Variants in ZNF276 observed in about 807,000 individuals in gnomAD.
ZNF276 encodes the protein zinc finger protein 276.
A neutral mutation model predicts 63.9 loss-of-function variants in ZNF276; 59 were observed. The observed-to-expected ratio is 0.92, with a 90% CI of 0.75 to 1.15. The LOEUF is 1.15. Ranked by LOEUF, ZNF276 falls within the 50% of genes most tolerant of loss-of-function variation. The probability of loss-of-function intolerance (pLI) is 0.00; values close to 1 mark genes in which losing one functional copy is unlikely to be tolerated. For synonymous variants in ZNF276, 496 were observed against 348.4 expected, an observed-to-expected ratio of 1.42 and a Z score of -4.72; for missense variants, 1,084 against 843.8, an observed-to-expected ratio of 1.28 and a Z score of -3.53.
chr16:89,722,532 A>C lies in ZNF276; in HGVS notation c.207A>C (p.Gly69=). The C allele has an allele frequency of 1.9e-6, 3 of 1,610,574 alleles. No individual in the cohort carries two copies. Among genetic ancestry groups the C allele is most frequent in the Non-Finnish European group, 2.5e-6 (3 of 1,178,890 alleles). ...AACACTTCCTGCCGCTCTGTGCAGG[A>C]GCAGGCCGGGCTCTCGCCATGGGTC... is the stretch of plus-strand genomic sequence containing the variant. ...DAGEDGADEA[G]AGRALAMGHC... is the part of the protein sequence containing the mutation. The change falls in exon 2 of 11, where the codon GGA becomes GGC. Residue 69 remains glycine (G), a splice_region_variant and synonymous_variant. Transcript: ENST00000443381.
rs1598043529 is a variant in ZNF276, at chr16:89,737,871, C to T, written c.1540C>T (p.His514Tyr). 6.2e-7 allele frequency: 1 copy of T among 1,614,186 alleles called. No individual in the cohort carries two copies. The highest frequency in any genetic ancestry group is 8.5e-7 in the Non-Finnish European group (1 of 1,180,042). The change falls in exon 10 of 11, where the codon CAC becomes TAC. Residue 514 changes from histidine (H) to tyrosine (Y), a missense_variant. By Grantham distance (83) the His-to-Tyr change is moderately conservative. Coordinates refer to ENST00000443381, the MANE Select transcript of ZNF276 (RefSeq NM_001113525.2). ...TFKQRKHLLV[H>Y]QMRHSGAKPL... ...CAAGCAGCGGAAGCACCTTCTCGTC[C>T]ACCAAATGCGACATTCGGGAGCCAA...
rs369739322 is a variant in ZNF276 at position 89,727,284 on chromosome 16, T to G, written c.1012T>G (p.Leu338Val). The change falls in exon 5 of 11, where the codon TTG (leucine) becomes GTG (valine). Residue 338 changes from leucine to valine, a missense_variant. Coordinates refer to ENST00000443381, the MANE Select transcript of ZNF276 (RefSeq NM_001113525.2). ...SLPLCRAPGQLGEKQLPSSTS... is the reference protein window; with the variant it reads ...SLPLCRAPGQVGEKQLPSSTS... ...CCTTGTTCTTTGTTTCTCAGGGCAG[T>G]TGGGTGAGAAGCAGCTTCCATCTTC... 1.2e-6 allele frequency: 2 copies of G among 1,613,918 alleles called. No individual in the cohort carries two copies. Among genetic ancestry groups the G allele is most frequent in the African/African-American group, 2.7e-5 (2 of 74,874 alleles).
At chr16:89,723,750 C>T (rs779675950) in intron 4 of ZNF276, 41 bp downstream of exon 4, 3 of 1,572,182 alleles carry the variant, frequency 1.9e-6, no homozygotes, top group African/African-American at 1.3e-5. Flanking sequence ...AGGATGTGTG[C>T]TCCTCAGTGG....
chr16:89,722,329 A>G (rs1363616251), intron 1 of ZNF276, among the ~76,000 whole-genome samples: 1 of 152,134 alleles, frequency 6.6e-6, no homozygotes, highest in African/African-American at 2.4e-5. Flanking sequence ...GGCCTTTGAA[A>G]TTTGAAAGAT....
chr16:89,727,373 G>A lies in ZNF276; in HGVS notation c.1085+16G>A. ...TTTCTGAGGGGTGAGAGAAGAGTGG[G>A]TTTAAACAGCCTAAAATTTCTCCTT... On this transcript the variant is annotated intron_variant, in intron 5 of 10. Coordinates refer to ENST00000443381, the MANE Select transcript of ZNF276 (RefSeq NM_001113525.2). The A allele has an allele frequency of 6.2e-7, 1 of 1,611,080 alleles. No homozygotes were observed. Among genetic ancestry groups the A allele is most frequent in the East Asian group, 2.2e-5 (1 of 44,866 alleles).
chr16:89,720,760 C>T, upstream of ZNF276: 1 of 1,447,176 alleles, frequency 6.9e-7, no homozygotes, highest in East Asian at 3.1e-5. Flanking sequence ...CGCCCCGCCT[C>T]ACCCGGGGCC....
At position 89,722,725 on chromosome 16, in the gene ZNF276, T is replaced by C. The variant is rs2061336616; in HGVS notation, c.400T>C (p.Phe134Leu). The C allele has an allele frequency of 6.2e-7, 1 of 1,612,130 alleles. No individual in the cohort carries two copies. Among genetic ancestry groups the C allele is most frequent in the Admixed American group, 1.7e-5 (1 of 60,012 alleles). ...AVRQDPTLSP[F>L]VCKSCHAQFY... is the part of the protein sequence containing the mutation. ...CCGCCAGGACCCCACCTTGTCTCCG[T>C]TTGTCTGCAAGAGCTGCCACGCCCA... is the stretch of plus-strand genomic sequence containing the variant. Residue 134 changes from phenylalanine (F) to leucine (L), a missense_variant, in exon 2 of 11, where the codon TTT becomes CTT. Phe to Leu is a conservative substitution (Grantham distance 22). Coordinates refer to ENST00000443381, the MANE Select transcript of ZNF276 (RefSeq NM_001113525.2).
At position 89,740,703 on chromosome 16, in the gene ZNF276, CCTGAGCT is replaced by C; in HGVS notation, c.*2458_*2464del. ...CACACTTCCGCAAACACAAGGAGCT[CCTGAGCT>C]AGTCTGGAAACCCTGACTTGGAAGC... On this transcript the variant is annotated 3_prime_UTR_variant, in exon 11 of 11. Coordinates refer to ENST00000443381, the MANE Select transcript of ZNF276 (RefSeq NM_001113525.2). 1 of 933,178 alleles carries C rather than the reference CCTGAGCT, an allele frequency of 1.1e-6. No individual in the cohort carries two copies. Among genetic ancestry groups the C allele is most frequent in the Non-Finnish European group, 1.7e-6 (1 of 577,372 alleles). The allele number at this position is 933,178 out of a possible 1,614,324, so 57.8% of individuals were successfully genotyped here.
rs1567595013 is a variant in ZNF276, at chr16:89,740,026, G to T, written c.*1780G>T. On this transcript the variant is annotated 3_prime_UTR_variant, in exon 11 of 11. Coordinates refer to ENST00000443381, the MANE Select transcript of ZNF276 (RefSeq NM_001113525.2). ...TGTCAACTGAAAGAGTGCCAGCCAG[G>T]ATATCTTCCTCTTCTCTAAACACTC... The T allele has an allele frequency of 6.2e-7, 1 of 1,614,150 alleles. No homozygotes were observed. The highest frequency in any genetic ancestry group is 1.1e-5 in the South Asian group (1 of 91,088).
intron 5 of ZNF276, 152 bp from the exon 6 acceptor site, chr16:89,729,083 T>C (rs1388331823): frequency 7.6e-6 from 5 of 661,206 alleles, no homozygotes; most frequent in Admixed American, 2.8e-5. Context: ...GAAACGGGAT[T>C]GGAAATTTGG....
intron 9 of ZNF276, among the ~76,000 whole-genome samples, chr16:89,734,985 C>A (rs1050253397): frequency 1.3e-5 from 2 of 152,110 alleles, no homozygotes; most frequent in African/African-American, 4.8e-5. Context: ...ATGGTAAAAC[C>A]TGGTCTCTAC....
intron 9 of ZNF276, chr16:89,737,544 T>C (rs1378385879): frequency 2.0e-6 from 1 of 489,424 alleles, no homozygotes; most frequent in African/African-American, 2.0e-5. Context: ...GACAAGAATC[T>C]GTGGTTAAGG....
rs1405101645 is a variant in ZNF276 at position 89,739,746 on chromosome 16, C to T, written c.*1500C>T. The T allele has an allele frequency of 2.7e-6, 4 of 1,489,564 alleles. No homozygotes were observed. Among genetic ancestry groups the T allele is most frequent in the Non-Finnish European group, 2.7e-6 (3 of 1,122,258 alleles). The allele number at this position is 1,489,564 out of a possible 1,614,324, so 92.3% of individuals were successfully genotyped here. ...AGAGGATGGGGGGGTCGACCTCTTG[C>T]AGGAGGGTGGGTGTGGTGCAGAGAG... is the stretch of plus-strand genomic sequence containing the variant. On this transcript the variant is annotated 3_prime_UTR_variant, in exon 11 of 11. Coordinates refer to ENST00000443381, the MANE Select transcript of ZNF276 (RefSeq NM_001113525.2).
chr16:89,737,407 G>C, intron 9 of ZNF276: 1 of 239,902 alleles, frequency 4.2e-6, no homozygotes, highest in African/African-American at 2.3e-5. Context: ...TGTAATCCCA[G>C]CTACTTGGCA....
chr16:89,720,971 G>A (rs2151651188), upstream of ZNF276: 1 of 1,079,194 alleles, frequency 9.3e-7, no homozygotes, highest in Non-Finnish European at 1.2e-6. Flanking sequence ...CGGACCGCAG[G>A]AAGGGACGCG....
chr16:89,726,716 G>C (rs2061481925), intron 4 of ZNF276, among the ~76,000 whole-genome samples: 1 of 151,912 alleles, frequency 6.6e-6, no homozygotes, highest in Non-Finnish European at 1.5e-5. Flanking sequence ...CGCGATCTCG[G>C]CTCACTGCAA....
At chr16:89,730,827 A>T (rs931343043) in intron 6 of ZNF276, among the ~76,000 whole-genome samples, 2 of 152,090 alleles carry the variant, frequency 1.3e-5, no homozygotes, top group African/African-American at 2.4e-5. Context: ...AGTCTTGTCA[A>T]CCCTGACCTT....
rs752058479 is a variant in ZNF276, at chr16:89,738,194, C to T, written c.1793C>T (p.Pro598Leu). The T allele has an allele frequency of 1.7e-5, 28 of 1,610,898 alleles. 1 individual carries two copies. Among genetic ancestry groups the T allele is most frequent in the South Asian group, 1.1e-4 (10 of 90,832 alleles). The change falls in exon 11 of 11, where the codon CCG (proline) becomes CTG (leucine). Residue 598 changes from proline (P) to leucine (L), a missense_variant. Coordinates refer to ENST00000443381, the MANE Select transcript of ZNF276 (RefSeq NM_001113525.2). ...GAGGCGGAACCACCACCTGGGCCAC[C>T]GAGCCCCTCTGTGACCACAGAGGGC... ...PLEAEPPPGP[P>L]SPSVTTEGQA...
rs746256466 is a variant in ZNF276 at position 89,738,631 on chromosome 16, A to G, written c.*385A>G. ...AGAGATGAGGCTCCTGGGACAGGTC[A>G]GCGTCAGGGGCAGCCTGCTGTCTGC... is the stretch of plus-strand genomic sequence containing the variant. On this transcript the variant is annotated 3_prime_UTR_variant, in exon 11 of 11. Transcript: ENST00000443381. The G allele has an allele frequency of 7.4e-6, 12 of 1,613,600 alleles. No individual in the cohort carries two copies. In the East Asian group the frequency reaches 1.6e-4, roughly 21 times the overall value.
Sources: allele counts gnomAD v4.1 joint callset (sites outside exome capture counted in the v4.1 genomes callset), GRCh38; gene constraint gnomAD v4.1.1; transcripts MANE v1.5; gene names NCBI Gene and HGNC (gene_info 2026-07-23, HGNC 2026-07-21).